The following DAB1 variants were observed in gnomAD, a reference collection of about 807,000 sequenced individuals.
The protein encoded by DAB1 is disabled homolog 1.
A neutral mutation model predicts 64.6 loss-of-function variants in DAB1; 15 were observed. That is an observed-to-expected ratio of 0.23 (90% CI 0.16 to 0.36). The LOEUF (loss-of-function observed/expected upper bound fraction) is 0.36, where lower values mean the gene tolerates loss of function less well. DAB1 is among the 10% of genes least tolerant of loss of function. The probability of loss-of-function intolerance (pLI) is 1.00; values close to 1 mark genes in which losing one functional copy is unlikely to be tolerated. For missense variants in DAB1, 596 were observed against 706.7 expected (o/e 0.84, Z 1.78); for synonymous variants, 235 against 251.9 (o/e 0.93, Z 0.64).
chr1:57,096,329 C>T (rs1487112496), intron 4 of DAB1, among the ~76,000 whole-genome samples: 1 of 152,148 alleles, frequency 6.6e-6, no homozygotes, highest in Non-Finnish European at 1.5e-5. Context: ...TCTCAGAGTA[C>T]TGCTTTCTGA....
rs79232018 is a variant in DAB1 at position 57,807,325 on chromosome 1, T to C, written n.551+76674A>G. Among the ~76,000 whole-genome samples, 271 of 152,222 alleles carry C rather than the reference T, an allele frequency of 1.8e-3. 1 individual carries two copies. Among genetic ancestry groups the C allele is most frequent in the African/African-American group, 6.2e-3 (257 of 41,556 alleles). ...TGAATAGGGCAGATACAATTGGCAA[T>C]TGTATCTCCAAGTAAAAGTTTCATA... On this transcript the variant is annotated intron_variant and non_coding_transcript_variant, in intron 6 of 20. Transcript: ENST00000485760.
At chr1:58,160,594 G>A (rs1392621552) in intron 4 of DAB1, among the ~76,000 whole-genome samples, 1 of 152,074 alleles carries the variant, frequency 6.6e-6, no homozygotes, top group Non-Finnish European at 1.5e-5. Context: ...TCCCTCCAAC[G>A]ATCTCAAACT....
At chr1:58,081,020 C>T (rs756668822) in intron 5 of DAB1, among the ~76,000 whole-genome samples, 4 of 152,212 alleles carry the variant, frequency 2.6e-5, no homozygotes, top group Non-Finnish European at 2.9e-5. Context: ...GCTCCAAAGC[C>T]TATGCTCTTA....
intron 4 of DAB1, among the ~76,000 whole-genome samples, chr1:57,089,217 G>A (rs775474492): frequency 6.6e-6 from 1 of 152,192 alleles, no homozygotes. Flanking sequence ...TATTCAAAGT[G>A]TATCCCATGA....
chr1:57,016,897 G>C (rs6679906), intron 11 of DAB1, among the ~76,000 whole-genome samples: 41,335 of 151,912 alleles, frequency 0.27, 8,180 homozygotes, highest in African/African-American at 0.55. Context: ...ATTATTATCT[G>C]TATTTTAGGG....
intron 7 of DAB1, among the ~76,000 whole-genome samples, chr1:57,480,731 CT>C (rs1386514854): frequency 1.3e-5 from 2 of 152,084 alleles, no homozygotes; most frequent in South Asian, 4.1e-4. Context: ...GTGATCTGCC[CT>C]TCTTGGCTTC....
At chr1:57,592,018 GGA>G (rs1645451398) in intron 7 of DAB1, among the ~76,000 whole-genome samples, 1 of 152,014 alleles carries the variant, frequency 6.6e-6, no homozygotes, top group African/African-American at 2.4e-5. Flanking sequence ...TGCCTTGAAA[GGA>G]TTTCTGCAAT....
rs1044771487 is a variant in DAB1, at chr1:58,515,965, T to C, written n.108-9756A>G. 4.6e-5 allele frequency among the ~76,000 whole-genome samples: 7 copies of C among 152,330 alleles called. No homozygotes were observed. The South Asian group carries it at 1.4e-3, about 32-fold the overall frequency. ...TCTCATTTCTGTGATGAAAAATAGA[T>C]TTTGCTTATTACCTAATGCCCTCAC... On this transcript the variant is annotated intron_variant and non_coding_transcript_variant, in intron 2 of 20. Coordinates refer to the DAB1 transcript ENST00000485760.
intron 5 of DAB1, among the ~76,000 whole-genome samples, chr1:57,976,057 G>A (rs903414090): frequency 4.6e-5 from 7 of 152,166 alleles, no homozygotes; most frequent in African/African-American, 1.7e-4. Context: ...TCTTGGCAAC[G>A]CCAAGTCTTA....
At chr1:57,056,330 C>T (rs866463113) in intron 9 of DAB1, among the ~76,000 whole-genome samples, 98 of 121,642 alleles carry the variant, frequency 8.1e-4, no homozygotes, top group African/African-American at 3.3e-3. Flanking sequence ...AAGTCCTCAT[C>T]TTTAAAAAAA....
In DAB1 at chr1:57,522,955, A is replaced by C. The variant is rs572687977; in HGVS notation, n.625+126637T>G. Among the ~76,000 whole-genome samples the C allele has an allele frequency of 4.6e-5, 7 of 152,266 alleles. No individual in the cohort carries two copies. The South Asian group carries it at 6.2e-4, about 14-fold the overall frequency. ...CTTGGACTTACACCAGTGATTTGCC[A>C]GGGGCTTGTAGGCCTTTGGCCACAG... is the stretch of plus-strand genomic sequence containing the variant. On this transcript the variant is annotated intron_variant and non_coding_transcript_variant, in intron 7 of 20. Coordinates refer to the DAB1 transcript ENST00000485760.
chr1:57,817,846 T>C (rs1256872967), intron 6 of DAB1, among the ~76,000 whole-genome samples: 2 of 152,156 alleles, frequency 1.3e-5, no homozygotes, highest in South Asian at 2.1e-4. Flanking sequence ...AAGGTTTCAA[T>C]AGCTTATTCT....
At chr1:57,793,614 G>A (rs1235490387) in intron 6 of DAB1, among the ~76,000 whole-genome samples, 2 of 152,116 alleles carry the variant, frequency 1.3e-5, no homozygotes, top group Non-Finnish European at 2.9e-5. Flanking sequence ...CATGCTGGTT[G>A]AGCTGTGTCA....
At chr1:57,115,582 A>T (rs567506621) in intron 4 of DAB1, among the ~76,000 whole-genome samples, 1 of 152,310 alleles carries the variant, frequency 6.6e-6, no homozygotes, top group East Asian at 1.9e-4. Context: ...GATTAATTTA[A>T]ATTTAAATCT....
chr1:57,693,156 A>C (rs983961405), intron 6 of DAB1, among the ~76,000 whole-genome samples: 2 of 152,106 alleles, frequency 1.3e-5, no homozygotes, highest in Non-Finnish European at 2.9e-5. Flanking sequence ...TCACTGGCCT[A>C]AAGAGTTCCC....
intron 3 of DAB1, among the ~76,000 whole-genome samples, chr1:58,428,691 T>G (rs1490584646): frequency 2.0e-5 from 3 of 152,226 alleles, no homozygotes; most frequent in African/African-American, 7.2e-5. Flanking sequence ...AGTGTTATGT[T>G]TAGGATTTGC....
At chr1:57,006,340 G>A (rs953302836) in intron 14 of DAB1, among the ~76,000 whole-genome samples, 4 of 152,174 alleles carry the variant, frequency 2.6e-5, no homozygotes, top group African/African-American at 9.7e-5. Context: ...AAGTAAACTT[G>A]TCTTCTTTCT....
At chr1:57,586,146 G>A (rs1645377689) in intron 7 of DAB1, among the ~76,000 whole-genome samples, 1 of 152,152 alleles carries the variant, frequency 6.6e-6, no homozygotes, top group Non-Finnish European at 1.5e-5. Context: ...AAAATGGAAA[G>A]CATCACAAAG....
intron 7 of DAB1, among the ~76,000 whole-genome samples, chr1:57,621,689 G>T (rs1440124348): frequency 6.6e-6 from 1 of 152,102 alleles, no homozygotes; most frequent in Non-Finnish European, 1.5e-5. Context: ...GCATCTCTTT[G>T]GTATTAAGTG....
Sources: allele counts gnomAD v4.1 joint callset (sites outside exome capture counted in the v4.1 genomes callset), GRCh38; gene constraint gnomAD v4.1.1; transcripts MANE v1.5; gene names NCBI Gene and HGNC (gene_info 2026-07-23, HGNC 2026-07-21).